The following ZNF683 variants were observed in gnomAD, a reference collection of about 807,000 sequenced individuals.
The protein encoded by ZNF683 is tissue-resident T-cell transcription regulator protein ZNF683.
A neutral mutation model predicts 31.4 loss-of-function variants in ZNF683; 20 were observed. That is an observed-to-expected ratio of 0.64 (90% CI 0.45 to 0.93). The LOEUF (loss-of-function observed/expected upper bound fraction) is 0.93, where lower values mean the gene tolerates loss of function less well. Ranked by LOEUF, ZNF683 falls within the 40% of genes least tolerant of loss-of-function variation. The probability of loss-of-function intolerance (pLI) is 0.00; values close to 1 mark genes in which losing one functional copy is unlikely to be tolerated. For synonymous variants in ZNF683, 264 were observed against 267.6 expected (o/e 0.99, Z 0.13); for missense variants, 621 against 637.2 (o/e 0.97, Z 0.27).
At chr1:26,362,129 C>T in intron 5 of ZNF683, 107 bp from the exon 6 acceptor site, 1 of 1,613,442 alleles carries the variant, frequency 6.2e-7, no homozygotes, top group Non-Finnish European at 8.5e-7. Context: ...TCTTTCCCTC[C>T]AGGCCTGGAA....
intron 2 of ZNF683, 137 bp from the exon 3 acceptor site, chr1:26,367,934 A>G (rs2074569979): frequency 3.1e-6 from 2 of 644,868 alleles, no homozygotes; most frequent in South Asian, 2.2e-5. Context: ...CTGTCACTCA[A>G]ATGGCATCTC....
intron 5 of ZNF683, 65 bp downstream of exon 5, chr1:26,362,961 C>A: frequency 6.6e-7 from 1 of 1,523,346 alleles, no homozygotes; most frequent in Non-Finnish European, 8.9e-7. Flanking sequence ...AGGTGCCAGC[C>A]CTCCAAGGGC....
In ZNF683 at chr1:26,365,162, T is replaced by C. The variant is rs1157217530; in HGVS notation, c.384A>G (p.Pro128=). The change falls in exon 4 of 6, where the codon CCA becomes CCG. Residue 128 remains proline, a synonymous_variant. Coordinates refer to ENST00000349618, the MANE Select transcript of ZNF683 (RefSeq NM_001114759.3). The part of the protein sequence containing the change: ...TDDKKFTVKY[P]QNKDKLGKQP... ...GTTTTCCCAGCTTGTCCTTGTTCTG[T>C]GGGTACTTGACTGTGAATTTCTTGT... The C allele has an allele frequency of 1.9e-6, 3 of 1,610,594 alleles. No homozygotes were observed. Among genetic ancestry groups the C allele is most frequent in the African/African-American group, 2.7e-5 (2 of 74,986 alleles).
At chr1:26,363,737 GAAAAAAA>G (rs61027154) in intron 4 of ZNF683, among the ~76,000 whole-genome samples, 2 of 134,940 alleles carry the variant, frequency 1.5e-5, no homozygotes, top group East Asian at 2.3e-4. Flanking sequence ...ACTCCATATG[GAAAAAAA>G]AAAAAAAAAA....
At position 26,367,773 on chromosome 1, in the gene ZNF683, G is replaced by C; in HGVS notation, c.139C>G (p.Pro47Ala). Residue 47 changes from proline (P) to alanine (A), a missense_variant, in exon 3 of 6, where the codon CCA becomes GCA. Physicochemically the swap from Pro to Ala is conservative, Grantham distance 27. Transcript: ENST00000349618. ...GGGCCATGAGCATCCACCATGTCTGGAAGTGGTCTGCAGGCTGAGAAGACC... is the reference window on the plus strand; with the variant it reads ...GGGCCATGAGCATCCACCATGTCTGCAAGTGGTCTGCAGGCTGAGAAGACC... ...DQVFSACRPL[P>A]DMVDAHGPSC... 1 of 1,600,890 alleles carries C rather than the reference G, an allele frequency of 6.2e-7. No individual in the cohort carries two copies. The highest frequency in any genetic ancestry group is 8.5e-7 in the Non-Finnish European group (1 of 1,172,444).
chr1:26,368,402 T>C, intron 2 of ZNF683, 56 bp downstream of exon 2: 1 of 1,480,320 alleles, frequency 6.8e-7, no homozygotes, highest in Non-Finnish European at 9.0e-7. Flanking sequence ...CCTCCTAATG[T>C]CACCTCCTAC....
rs374604617 is a variant in ZNF683 at position 26,366,185 on chromosome 1, A to AAAAGAAAG, written c.320-967_320-960dup. 4.0e-3 allele frequency among the ~76,000 whole-genome samples: 605 copies of AAAAGAAAG among 151,996 alleles called. 8 individuals carry two copies. The highest frequency in any genetic ancestry group is 0.013 in the African/African-American group (553 of 41,410). On this transcript the variant is annotated intron_variant, in intron 3 of 5. Transcript: ENST00000349618. ...ACAAAAGCGAAACTCTGTTTCAAAA[A>AAAAGAAAG]AAAGAAAGAAAGAAAGAAAGAAAAT...
intron 1 of ZNF683, among the ~76,000 whole-genome samples, chr1:26,371,252 C>T (rs1171523535): frequency 1.3e-5 from 2 of 152,204 alleles, no homozygotes; most frequent in Non-Finnish European, 2.9e-5. Context: ...CTCAGATCTC[C>T]TGACCCTGGA....
At chr1:26,372,763 G>C, upstream of ZNF683, 2 of 1,206,726 alleles carry the variant, frequency 1.7e-6, no homozygotes, top group Non-Finnish European at 2.1e-6. Flanking sequence ...TCCTCCCTTT[G>C]TGCTACCTCC....
intron 1 of ZNF683, chr1:26,370,815 A>G: frequency 1.2e-6 from 1 of 830,560 alleles, no homozygotes; most frequent in Non-Finnish European, 1.5e-6. Context: ...AAGTGGGGGC[A>G]GGCAGGCTTG....
chr1:26,364,801 G>T lies in ZNF683; in HGVS notation c.745C>A (p.Arg249=). The part of the protein sequence containing the change: ...MVNELGHPSA[R]WETLLPYPGA... ...GGGTAGGGAAGCAGGGTCTCCCACC[G>T]AGCGCTGGGGTGCCCCAGCTCATTG... The change falls in exon 4 of 6, where the codon CGG becomes AGG. Residue 249 remains arginine (R), a synonymous_variant. Coordinates refer to ENST00000349618, the MANE Select transcript of ZNF683 (RefSeq NM_001114759.3). The T allele has an allele frequency of 7.8e-7, 1 of 1,285,968 alleles. No individual in the cohort carries two copies. Among genetic ancestry groups the T allele is most frequent in the East Asian group, 2.5e-5 (1 of 40,206 alleles). 79.7% of individuals were successfully genotyped at this position (1,285,968 alleles called of 1,614,324 possible).
chr1:26,373,820 C>T (rs1022892769), upstream of ZNF683, among the ~76,000 whole-genome samples: 1 of 152,170 alleles, frequency 6.6e-6, no homozygotes, highest in Non-Finnish European at 1.5e-5. Flanking sequence ...CCTTTACAAA[C>T]AGCTTTCTTG....
chr1:26,372,883 G>A, upstream of ZNF683: 3 of 1,150,402 alleles, frequency 2.6e-6, no homozygotes, highest in Non-Finnish European at 2.2e-6. Flanking sequence ...GGGCTTGGCA[G>A]GCAGAGGCTG....
At position 26,364,691 on chromosome 1, in the gene ZNF683, G is replaced by C; in HGVS notation, c.855C>G (p.Gly285=). The change falls in exon 4 of 6, where the codon GGC becomes GGG. Residue 285 remains glycine, a synonymous_variant. Transcript: ENST00000349618. ...GAGAAPTDSP[G]LERGGMASPA... is the part of the protein sequence containing the mutation. ...GAGATGCCATGCCACCACGCTCCAGGCCTGGGGAGTCGGTTGGGGCAGCTC... is the reference window on the plus strand; with the variant it reads ...GAGATGCCATGCCACCACGCTCCAGCCCTGGGGAGTCGGTTGGGGCAGCTC... The C allele has an allele frequency of 6.2e-7, 1 of 1,613,962 alleles. No individual in the cohort carries two copies.
In ZNF683 at chr1:26,361,951, G is replaced by C; in HGVS notation, c.1215C>G (p.Pro405=). ...THLRLHSGAR[P]FQCSVCRSRF... is the part of the protein sequence containing the mutation. ...GACTCCGGCAGACACTGCACTGGAA[G>C]GGCCGGGCCCCGGAGTGCAGGCGCA... The change falls in exon 6 of 6, where the codon CCC becomes CCG. Residue 405 remains proline, a synonymous_variant. Coordinates refer to ENST00000349618, the MANE Select transcript of ZNF683 (RefSeq NM_001114759.3). 1 of 1,614,022 alleles carries C rather than the reference G, an allele frequency of 6.2e-7. No homozygotes were observed. The highest frequency in any genetic ancestry group is 8.5e-7 in the Non-Finnish European group (1 of 1,179,900).
In ZNF683 at chr1:26,365,107, A is replaced by C. The variant is rs1326392790; in HGVS notation, c.439T>G (p.Cys147Gly). ...QPERAGEGAP[C>G]PAFSSHNSSS... is the part of the protein sequence containing the mutation. Reference sequence around the variant, plus strand: ...CTGTTATGAGAGGAGAAGGCTGGGCAGGGGGCCCCCTCGCCAGCTCTTTCT... The same window carrying C: ...CTGTTATGAGAGGAGAAGGCTGGGCCGGGGGCCCCCTCGCCAGCTCTTTCT... The change falls in exon 4 of 6, where the codon TGC (cysteine) becomes GGC (glycine). Residue 147 changes from cysteine to glycine, a missense_variant. Cys to Gly is a radical substitution (Grantham distance 159). Transcript: ENST00000349618. The C allele has an allele frequency of 8.1e-6, 13 of 1,607,204 alleles. No individual in the cohort carries two copies. Among genetic ancestry groups the C allele is most frequent in the Non-Finnish European group, 8.5e-7 (1 of 1,176,880 alleles).
rs761957978 is a variant in ZNF683 at position 26,361,876 on chromosome 1, T to G, written c.1290A>C (p.Pro430=). The change falls in exon 6 of 6, where the codon CCA becomes CCC. Residue 430 remains proline, a synonymous_variant. Coordinates refer to ENST00000349618, the MANE Select transcript of ZNF683 (RefSeq NM_001114759.3). ...HLKLHHRLHA[P]QPCGLVHTQL... ...GGGTGTGCACCAGGCCACAGGGCTG[T>G]GGGGCATGCAGCCGATGGTGCAGCT... The G allele has an allele frequency of 1.9e-6, 3 of 1,613,824 alleles. No individual in the cohort carries two copies. Among genetic ancestry groups the G allele is most frequent in the African/African-American group, 2.7e-5 (2 of 74,920 alleles).
At chr1:26,368,949 C>T (rs1480960859) in intron 1 of ZNF683, among the ~76,000 whole-genome samples, 14 of 151,476 alleles carry the variant, frequency 9.2e-5, no homozygotes, top group Admixed American at 7.9e-4. Context: ...CCCATCTCTA[C>T]AAAATAAAAA....
At chr1:26,362,927 G>A in intron 5 of ZNF683, 99 bp downstream of exon 5, 1 of 1,457,224 alleles carries the variant, frequency 6.9e-7, no homozygotes. Context: ...CACTTGCTCA[G>A]GAGGACTGGG....
Sources: gnomAD v4.1 joint callset for allele counts (sites outside exome capture counted in the v4.1 genomes callset) on GRCh38, gnomAD v4.1.1 for gene constraint, MANE v1.5 for transcripts, NCBI Gene and HGNC (gene_info 2026-07-23, HGNC 2026-07-21) for gene names.